The following EVI5L variants were observed in gnomAD, a reference collection of about 807,000 sequenced individuals.
The protein encoded by EVI5L is EVI5-like protein.
A neutral mutation model predicts 106.1 loss-of-function variants in EVI5L; 30 were observed. The observed-to-expected ratio is 0.28, with a 90% CI of 0.21 to 0.38. The LOEUF (loss-of-function observed/expected upper bound fraction) is 0.38. Among genes scored for constraint, EVI5L ranks in the 10% least tolerant of loss-of-function variants. The pLI is 1.00. For missense variants in EVI5L, 809 were observed against 1,098.0 expected, an observed-to-expected ratio of 0.74 and a Z score of 3.72; for synonymous variants, 489 against 483.3, an observed-to-expected ratio of 1.01 and a Z score of -0.15.
intron 10 of EVI5L, among the ~76,000 whole-genome samples, chr19:7,855,813 T>A (rs1380656267): frequency 6.6e-6 from 1 of 152,202 alleles, no homozygotes; most frequent in African/African-American, 2.4e-5. Flanking sequence ...TAAAACTTTA[T>A]TTTTTTGTAA....
At chr19:7,838,097 T>C (rs1978430371) in intron 1 of EVI5L, among the ~76,000 whole-genome samples, 2 of 151,468 alleles carry the variant, frequency 1.3e-5, no homozygotes, top group South Asian at 4.2e-4. Context: ...TTTGGTTGGT[T>C]TTTTTTTGTT....
chr19:7,862,940 G>A, intron 17 of EVI5L, 32 bp from the exon 18 acceptor site: 3 of 698,702 alleles, frequency 4.3e-6, no homozygotes, highest in South Asian at 3.3e-5. Context: ...CCCCTGACCC[G>A]CCCTCCTTTC....
Position 7,858,538 on chromosome 19 carries a change from C to G in EVI5L, c.1374+207C>G. ...AGACATCCTGATATCCATTTCTTGC[C>G]ACCTCATAGTGTGTCTGCAGTATCT... On this transcript the variant is annotated intron_variant, in intron 13 of 19. Transcript: ENST00000538904. The surrounding 1 kb of genome is among the most constrained non-coding windows in gnomAD (Gnocchi z 5.7). 1.5e-6 allele frequency: 1 copy of G among 669,280 alleles called. No homozygotes were observed. Among genetic ancestry groups the G allele is most frequent in the Non-Finnish European group, 2.5e-6 (1 of 404,332 alleles). 41.5% of individuals were successfully genotyped at this position (669,280 alleles called of 1,614,324 possible). A position where few individuals can be genotyped will look rare whatever the true frequency, so the allele number is the denominator to read the frequency against.
At chr19:7,844,102 C>T (rs1031842525) in intron 1 of EVI5L, among the ~76,000 whole-genome samples, 2 of 151,690 alleles carry the variant, frequency 1.3e-5, no homozygotes, top group African/African-American at 2.4e-5. Flanking sequence ...TCTGTAATCC[C>T]AGCACTTTGG....
intron 1 of EVI5L, among the ~76,000 whole-genome samples, chr19:7,840,305 C>T (rs1978545351): frequency 1.3e-5 from 2 of 152,176 alleles, no homozygotes; most frequent in African/African-American, 4.8e-5. Flanking sequence ...ATGGCGAAAC[C>T]CTGTCTCTAC....
In EVI5L at chr19:7,858,590, G is replaced by A. The variant is rs1311125189; in HGVS notation, c.1374+259G>A. On this transcript the variant is annotated intron_variant, in intron 13 of 19. Coordinates refer to ENST00000538904, the MANE Select transcript of EVI5L (RefSeq NM_001159944.3). The surrounding 1 kb of genome is among the most constrained non-coding windows in gnomAD (Gnocchi z 5.7). The stretch of plus-strand genomic sequence containing the variant: ...ACTTCCCAACCCCCAGCCTCAGCAC[G>A]GAGGCCTCTGAAGACCGGGCTGTCC... 6 of 529,050 alleles carry A rather than the reference G, an allele frequency of 1.1e-5. No individual in the cohort carries two copies. The highest frequency in any genetic ancestry group is 3.9e-5 in the African/African-American group (2 of 51,348). 32.8% of individuals were successfully genotyped at this position (529,050 alleles called of 1,614,324 possible). A position where few individuals can be genotyped will look rare whatever the true frequency, so the allele number is the denominator to read the frequency against.
rs1454911120 is a variant in EVI5L, at chr19:7,863,822, C to G, written c.*120C>G. ...CTACGCGCCCTCTGTGGCTCGGCCA[C>G]CCCTAAAGCGAGGCCCGGCGAGGCA... On this transcript the variant is annotated 3_prime_UTR_variant, in exon 20 of 20. Coordinates refer to ENST00000538904, the MANE Select transcript of EVI5L (RefSeq NM_001159944.3). The surrounding 1 kb of genome is among the most constrained non-coding windows in gnomAD (Gnocchi z 7.7). 4 of 1,354,888 alleles carry G rather than the reference C, an allele frequency of 3.0e-6. No homozygotes were observed. The highest frequency in any genetic ancestry group is 3.8e-6 in the Non-Finnish European group (4 of 1,040,138). 83.9% of individuals were successfully genotyped at this position (1,354,888 alleles called of 1,614,324 possible). A position where few individuals can be genotyped will look rare whatever the true frequency, so the allele number is the denominator to read the frequency against.
intron 1 of EVI5L, among the ~76,000 whole-genome samples, chr19:7,843,564 A>ATG (rs1295830303): frequency 3.8e-5 from 1 of 26,448 alleles, no homozygotes; most frequent in Non-Finnish European, 9.2e-5. Context: ...GTGTATAGGT[A>ATG]TGTGAGTGTG....
Position 7,835,600 on chromosome 19 carries a change from C to G in EVI5L, c.-48+5219C>G, listed in dbSNP as rs1861986753. 2.6e-5 allele frequency among the ~76,000 whole-genome samples: 4 copies of G among 152,212 alleles called. No homozygotes were observed. The highest frequency in any genetic ancestry group is 2.6e-4 in the Admixed American group (4 of 15,270). On this transcript the variant is annotated intron_variant, in intron 1 of 19. Coordinates refer to ENST00000538904, the MANE Select transcript of EVI5L (RefSeq NM_001159944.3). This position sits in a 1 kb window ranked among gnomAD's most constrained non-coding sequence, Gnocchi z 4.1. ...AAGTTCTCACCTGGAGCCAAGAGAT[C>G]TGGGATAACAACCTACATTCCAAGG...
intron 1 of EVI5L, among the ~76,000 whole-genome samples, chr19:7,843,174 T>G (rs1445243719): frequency 7.3e-6 from 1 of 137,138 alleles, no homozygotes; most frequent in Admixed American, 7.3e-5. Context: ...GTGTGTGTGT[T>G]GAGTATGTGC....
At chr19:7,843,383 G>A (rs553391982) in intron 1 of EVI5L, among the ~76,000 whole-genome samples, 45 of 43,514 alleles carry the variant, frequency 1.0e-3, no homozygotes, top group Admixed American at 5.3e-3. Context: ...TGGGTGTGTC[G>A]AGTGTGTGCA....
intron 1 of EVI5L, among the ~76,000 whole-genome samples, chr19:7,842,929 G>A (rs552303174): frequency 1.9e-4 from 29 of 149,200 alleles, no homozygotes; most frequent in South Asian, 1.1e-3. Context: ...TGAAGGTACC[G>A]GGTGTGCGTG....
chr19:7,840,631 C>G (rs535569059), intron 1 of EVI5L, among the ~76,000 whole-genome samples: 2 of 152,312 alleles, frequency 1.3e-5, no homozygotes, highest in South Asian at 4.1e-4. Flanking sequence ...ATTCCTCCCT[C>G]CCCCTGGCCC....
At position 7,863,664 on chromosome 19, in the gene EVI5L, G is replaced by A; in HGVS notation, c.2380G>A (p.Glu794Lys). The part of the protein sequence containing the change: ...SEGSSDSDAD[E>K]LAAPYSQGLD... Reference sequence around the variant, plus strand: ...GGGCAGCTCAGACAGCGACGCCGATGAGCTGGCCGCGCCCTACAGCCAGGG... The same window carrying A: ...GGGCAGCTCAGACAGCGACGCCGATAAGCTGGCCGCGCCCTACAGCCAGGG... Residue 794 changes from glutamate (E) to lysine (K), a missense_variant, in exon 20 of 20, where the codon GAG (glutamate) becomes AAG (lysine). Glu to Lys is a moderately conservative substitution (Grantham distance 56). Coordinates refer to ENST00000538904, the MANE Select transcript of EVI5L (RefSeq NM_001159944.3). The surrounding 1 kb of genome is among the most constrained non-coding windows in gnomAD (Gnocchi z 7.7). The A allele has an allele frequency of 6.5e-7, 1 of 1,534,558 alleles. No individual in the cohort carries two copies. The highest frequency in any genetic ancestry group is 8.8e-7 in the Non-Finnish European group (1 of 1,142,566).
In EVI5L at chr19:7,850,981, T is replaced by C. The variant is rs1979220591; in HGVS notation, c.754-453T>C. Among the ~76,000 whole-genome samples, 1 of 151,786 alleles carries C rather than the reference T, an allele frequency of 6.6e-6. No individual in the cohort carries two copies. Among genetic ancestry groups the C allele is most frequent in the Non-Finnish European group, 1.5e-5 (1 of 67,942 alleles). On this transcript the variant is annotated intron_variant, in intron 6 of 19. Transcript: ENST00000538904. The surrounding 1 kb of genome is among the most constrained non-coding windows in gnomAD (Gnocchi z 5.4). ...GCTTGCACAAAGCTTTATGCTGGGG[T>C]CCAAGGGAGGTACAGTGGCTGGCAG...
chr19:7,850,110 G>C lies in EVI5L; in HGVS notation c.741G>C (p.Glu247Asp), dbSNP rs1373237071. Residue 247 changes from glutamate (E) to aspartate (D), a missense_variant, in exon 6 of 20, where the codon GAG becomes GAC. Coordinates refer to ENST00000538904, the MANE Select transcript of EVI5L (RefSeq NM_001159944.3). This position sits in a 1 kb window ranked among gnomAD's most constrained non-coding sequence, Gnocchi z 5.4. ...AELGLCIYQF[E>D]YMLQEQLPDL... Reference sequence around the variant, plus strand: ...TCGGGCTCTGCATCTATCAGTTCGAGTACATGCTGCAGGTGAGCAGGGCCG... The same window carrying C: ...TCGGGCTCTGCATCTATCAGTTCGACTACATGCTGCAGGTGAGCAGGGCCG... 1 of 1,605,026 alleles carries C rather than the reference G, an allele frequency of 6.2e-7. No individual in the cohort carries two copies. Among genetic ancestry groups the C allele is most frequent in the Admixed American group, 1.7e-5 (1 of 58,580 alleles).
Position 7,847,895 on chromosome 19 carries a change from C to T in EVI5L, c.301C>T (p.Arg101Trp), listed in dbSNP as rs754276273. The T allele has an allele frequency of 1.3e-5, 21 of 1,565,236 alleles. No individual in the cohort carries two copies. The highest frequency in any genetic ancestry group is 4.6e-5 in the South Asian group (4 of 86,240). The change falls in exon 3 of 20, where the codon CGG (arginine) becomes TGG (tryptophan). Residue 101 changes from arginine (R) to tryptophan (W), a missense_variant. Physicochemically the swap from Arg to Trp is moderately radical, Grantham distance 101. Coordinates refer to ENST00000538904, the MANE Select transcript of EVI5L (RefSeq NM_001159944.3). Reference sequence around the variant, plus strand: ...GATCGCCAACGAGTGGGAGGAGTGGCGGCGCAGGAAGGAGAAGCTGCTCAA... The same window carrying T: ...GATCGCCAACGAGTGGGAGGAGTGGTGGCGCAGGAAGGAGAAGCTGCTCAA... Reference protein sequence around the residue: ...GRIANEWEEWRRRKEKLLKEL... With the variant: ...GRIANEWEEWWRRKEKLLKEL...
chr19:7,849,954 C>T (rs777886296), intron 5 of EVI5L, 43 bp from the exon 6 acceptor site: 16 of 1,537,604 alleles, frequency 1.0e-5, no homozygotes, highest in African/African-American at 9.5e-5. Flanking sequence ...TGCCCCTCCC[C>T]GCTGCGCTGC....
At chr19:7,837,069 G>A (rs1450318564) in intron 1 of EVI5L, among the ~76,000 whole-genome samples, 4 of 149,868 alleles carry the variant, frequency 2.7e-5, no homozygotes, top group East Asian at 2.0e-4. Flanking sequence ...GGTGGCTCAC[G>A]CCTGTAATCC....
Sources: allele counts gnomAD v4.1 joint callset (sites outside exome capture counted in the v4.1 genomes callset), GRCh38; gene constraint gnomAD v4.1.1; non-coding constraint Gnocchi (gnomAD v3.1); transcripts MANE v1.5; gene names NCBI Gene and HGNC (gene_info 2026-07-23, HGNC 2026-07-21).